The following ZNF620 variants were observed in gnomAD, a reference collection of about 807,000 sequenced individuals.
ZNF620 encodes zinc finger protein 620.
A neutral mutation model predicts 13.3 loss-of-function variants in ZNF620; 10 were observed. The ratio of observed to expected loss-of-function variants is 0.75; its 90% CI spans 0.46 to 1.28. The LOEUF is 1.28. Among genes scored for constraint, ZNF620 ranks in the 50% most tolerant of loss-of-function variants. The pLI is 0.00. For missense variants in ZNF620, 461 were observed against 500.2 expected (o/e 0.92, Z 0.75); for synonymous variants, 166 against 177.6 (o/e 0.93, Z 0.52).
intron 2 of ZNF620, among the ~76,000 whole-genome samples, chr3:40,508,494 A>G (rs942132338): frequency 1.3e-5 from 2 of 152,216 alleles, no homozygotes; most frequent in Admixed American, 6.5e-5. Context: ...TGTGATATCA[A>G]ATTTAATTGC....
chr3:40,515,947 G>A lies in ZNF620; in HGVS notation c.353G>A (p.Gly118Asp), dbSNP rs191630550. Residue 118 changes from glycine to aspartate, a missense_variant, in exon 5 of 5, where the codon GGC becomes GAC. By Grantham distance (94) the Gly-to-Asp change is moderately conservative. Transcript: ENST00000314529. ...ETESFRLMVGGLPGNVSQHLD... is the reference protein window; with the variant it reads ...ETESFRLMVGDLPGNVSQHLD... Reference sequence around the variant, plus strand: ...GAGTCCTTCAGACTGATGGTGGGGGGCCTGCCAGGGAATGTTTCCCAGCAC... The same window carrying A: ...GAGTCCTTCAGACTGATGGTGGGGGACCTGCCAGGGAATGTTTCCCAGCAC... The A allele has an allele frequency of 9.2e-5, 149 of 1,614,086 alleles. 1 individual carries two copies. In the Middle Eastern group the frequency reaches 9.9e-4, roughly 11 times the overall value.
Position 40,516,587 on chromosome 3 carries a change from T to G in ZNF620, c.993T>G (p.Thr331=), listed in dbSNP as rs749189393. ...SSFTVHQRMH[T]GEKPYECKEC... ...TCACTGTCCATCAGCGAATGCACACTGGGGAGAAACCTTATGAATGTAAAG... is the reference window on the plus strand; with the variant it reads ...TCACTGTCCATCAGCGAATGCACACGGGGGAGAAACCTTATGAATGTAAAG... Residue 331 remains threonine (T), a synonymous_variant, in exon 5 of 5, where the codon ACT becomes ACG. Coordinates refer to ENST00000314529, the MANE Select transcript of ZNF620 (RefSeq NM_175888.4). The G allele has an allele frequency of 6.2e-7, 1 of 1,614,176 alleles. No homozygotes were observed. Among genetic ancestry groups the G allele is most frequent in the Non-Finnish European group, 8.5e-7 (1 of 1,180,028 alleles).
In ZNF620 at chr3:40,516,948, G is replaced by T; in HGVS notation, c.*85G>T. 7.0e-7 allele frequency: 1 copy of T among 1,437,206 alleles called. No individual in the cohort carries two copies. The highest frequency in any genetic ancestry group is 9.3e-7 in the Non-Finnish European group (1 of 1,073,284). 89.0% of individuals were successfully genotyped at this position (1,437,206 alleles called of 1,614,324 possible). ...TATCAGTGTCCTCGCTGTCCTTCCTGGTTAGACACTTGGCTTTCATCATGA... is the reference window on the plus strand; with the variant it reads ...TATCAGTGTCCTCGCTGTCCTTCCTTGTTAGACACTTGGCTTTCATCATGA... On this transcript the variant is annotated 3_prime_UTR_variant, in exon 5 of 5. Coordinates refer to ENST00000314529, the MANE Select transcript of ZNF620 (RefSeq NM_175888.4).
chr3:40,506,181 C>T, intron 1 of ZNF620, 43 bp downstream of exon 1: 1 of 791,308 alleles, frequency 1.3e-6, no homozygotes, highest in South Asian at 1.5e-5. Context: ...CCTGGTTTTG[C>T]AACCCCTTTG....
chr3:40,506,343 G>A lies in ZNF620; in HGVS notation c.-10G>A. 1 of 1,614,076 alleles carries A rather than the reference G, an allele frequency of 6.2e-7. No homozygotes were observed. The highest frequency in any genetic ancestry group is 8.5e-7 in the Non-Finnish European group (1 of 1,180,006). ...ACCCTGAGGCAGTGTGTGAAGCTGG[G>A]ACGCCAGCCATGTTCCAGACCGCTT... is the stretch of plus-strand genomic sequence containing the variant. On this transcript the variant is annotated 5_prime_UTR_variant, in exon 2 of 5. Coordinates refer to ENST00000314529, the MANE Select transcript of ZNF620 (RefSeq NM_175888.4).
intron 2 of ZNF620, among the ~76,000 whole-genome samples, chr3:40,510,091 G>A (rs566420645): frequency 6.6e-6 from 1 of 151,748 alleles, no homozygotes; most frequent in East Asian, 1.9e-4. Context: ...CACGATCACG[G>A]CTCACTGTAG....
chr3:40,512,044 T>G (rs552657774), intron 3 of ZNF620, among the ~76,000 whole-genome samples: 1 of 152,138 alleles, frequency 6.6e-6, no homozygotes, highest in Non-Finnish European at 1.5e-5. Flanking sequence ...GCCTGGAAGT[T>G]TCTGGGTGGA....
rs759281491 is a variant in ZNF620, at chr3:40,516,362, A to C, written c.768A>C (p.Glu256Asp). The change falls in exon 5 of 5, where the codon GAA becomes GAC. Residue 256 changes from glutamate (E) to aspartate (D), a missense_variant. Transcript: ENST00000314529. ...HTGKKPFKCK[E>D]CGKGLSSDTA... Reference sequence around the variant, plus strand: ...GAAAGAAACCATTTAAATGTAAAGAATGTGGAAAAGGTTTAAGTTCAGACA... The same window carrying C: ...GAAAGAAACCATTTAAATGTAAAGACTGTGGAAAAGGTTTAAGTTCAGACA... 6.2e-7 allele frequency: 1 copy of C among 1,614,114 alleles called. No homozygotes were observed. The highest frequency in any genetic ancestry group is 1.3e-5 in the African/African-American group (1 of 74,944).
chr3:40,512,154 G>C (rs1698221444), intron 3 of ZNF620, among the ~76,000 whole-genome samples: 1 of 152,204 alleles, frequency 6.6e-6, no homozygotes, highest in Non-Finnish European at 1.5e-5. Context: ...TGGGAGCACA[G>C]CAAAGCCCCT....
chr3:40,513,316 A>AAAAAAATATAT (rs1193351404), intron 4 of ZNF620, among the ~76,000 whole-genome samples: 1 of 62,676 alleles, frequency 1.6e-5, no homozygotes, highest in African/African-American at 8.5e-5. Flanking sequence ...AAAAAAAAAA[A>AAAAAAATATAT]ATATATATAT....
chr3:40,518,299 GTT>G lies in ZNF620; in HGVS notation c.*1437_*1438del, dbSNP rs1698444750. 1.3e-5 allele frequency: 2 copies of G among 152,212 alleles called. No individual in the cohort carries two copies. The highest frequency in any genetic ancestry group is 6.5e-5 in the Admixed American group (1 of 15,278). 9.4% of individuals were successfully genotyped at this position (152,212 alleles called of 1,614,324 possible). ...GTTTGAGTCCAGGTGTTTGTCCTTG[GTT>G]AAGTTACAAAAACTGCACTAGTTTC... On this transcript the variant is annotated 3_prime_UTR_variant, in exon 5 of 5. Transcript: ENST00000314529.
rs559932635 is a variant in ZNF620, at chr3:40,506,135, C to T, written c.-53C>T. 2 of 633,446 alleles carry T rather than the reference C, an allele frequency of 3.2e-6. No homozygotes were observed. Among genetic ancestry groups the T allele is most frequent in the East Asian group, 2.8e-5 (1 of 36,040 alleles). The allele number at this position is 633,446 out of a possible 1,614,324, so 39.2% of individuals were successfully genotyped here. A position where few individuals can be genotyped will look rare whatever the true frequency, so the allele number is the denominator to read the frequency against. On this transcript the variant is annotated 5_prime_UTR_variant, in exon 1 of 5. Coordinates refer to ENST00000314529, the MANE Select transcript of ZNF620 (RefSeq NM_175888.4). ...GGTCCGAGCTGAAGAGGTTCGCGGT[C>T]CGGGTAACTGATTGGTTTTCCTGGG...
Position 40,511,525 on chromosome 3 carries a change from G to C in ZNF620, c.80G>C (p.Ser27Thr), listed in dbSNP as rs755599065. 6.2e-7 allele frequency: 1 copy of C among 1,613,926 alleles called. No individual in the cohort carries two copies. The highest frequency in any genetic ancestry group is 8.5e-7 in the Non-Finnish European group (1 of 1,179,882). ...TACTTCACCCAGAATGAATGGGCCA[G>C]CCTGGACTCTGTGCAGAGGGCCCTG... Reference protein sequence around the residue: ...AVYFTQNEWASLDSVQRALYR... With the variant: ...AVYFTQNEWATLDSVQRALYR... The change falls in exon 3 of 5, where the codon AGC becomes ACC. Residue 27 changes from serine to threonine, a missense_variant. Coordinates refer to ENST00000314529, the MANE Select transcript of ZNF620 (RefSeq NM_175888.4).
intron 4 of ZNF620, among the ~76,000 whole-genome samples, chr3:40,513,553 C>T (rs986102637): frequency 1.3e-5 from 2 of 151,016 alleles, no homozygotes; most frequent in Non-Finnish European, 2.9e-5. Flanking sequence ...GCAGGAGAAT[C>T]GGTTGAACCT....
At chr3:40,508,221 T>C (rs1290674719) in intron 2 of ZNF620, among the ~76,000 whole-genome samples, 1 of 152,164 alleles carries the variant, frequency 6.6e-6, no homozygotes, top group East Asian at 1.9e-4. Flanking sequence ...TTTTTTATAT[T>C]TATTTTGTGT....
In ZNF620 at chr3:40,508,711, G is replaced by T. The variant is rs1386583709; in HGVS notation, c.24+2335G>T. The stretch of plus-strand genomic sequence containing the variant: ...TGCAGTGGTGCAATCACAGCTCACT[G>T]CAGCCTCCACCTCCCAGGCCTAAGT... On this transcript the variant is annotated intron_variant, in intron 2 of 4. Coordinates refer to ENST00000314529, the MANE Select transcript of ZNF620 (RefSeq NM_175888.4). 8.8e-6 allele frequency: 4 copies of T among 454,854 alleles called. No homozygotes were observed. In the Admixed American group the frequency reaches 9.4e-5, roughly 11 times the overall value. The allele number at this position is 454,854 out of a possible 1,614,324, so 28.2% of individuals were successfully genotyped here.
intron 2 of ZNF620, chr3:40,508,587 G>A: frequency 3.3e-6 from 1 of 303,750 alleles, no homozygotes; most frequent in Non-Finnish European, 6.5e-6. Context: ...AATATGGACT[G>A]TCTACCTATC....
chr3:40,515,057 T>A (rs1273136770), intron 4 of ZNF620, among the ~76,000 whole-genome samples: 1 of 152,230 alleles, frequency 6.6e-6, no homozygotes, highest in Admixed American at 6.5e-5. Flanking sequence ...TTCTCTTTGG[T>A]TTTCCCTTAT....
Position 40,506,357 on chromosome 3 carries a change from T to G in ZNF620, c.5T>G (p.Phe2Cys). ...TGTGAAGCTGGGACGCCAGCCATGT[T>G]CCAGACCGCTTGGCGCCAGGTGAGT... Reference protein sequence around the residue: MFQTAWRQEPVT... With the variant: MCQTAWRQEPVT... The change falls in exon 2 of 5, where the codon TTC becomes TGC. Residue 2 changes from phenylalanine (F) to cysteine (C), a missense_variant. Transcript: ENST00000314529. 1.2e-6 allele frequency: 2 copies of G among 1,614,066 alleles called. No homozygotes were observed. Among genetic ancestry groups the G allele is most frequent in the Non-Finnish European group, 1.7e-6 (2 of 1,179,988 alleles).
Sources: gnomAD v4.1 joint callset for allele counts (sites outside exome capture counted in the v4.1 genomes callset) on GRCh38, gnomAD v4.1.1 for gene constraint, MANE v1.5 for transcripts, NCBI Gene and HGNC (gene_info 2026-07-23, HGNC 2026-07-21) for gene names.